The following CNKSR2 variants were observed in gnomAD, a reference collection of about 807,000 sequenced individuals.
CNKSR2 encodes the protein connector enhancer of kinase suppressor of Ras 2, also known as CNK homolog protein 2.
A neutral mutation model predicts 84.4 loss-of-function variants in CNKSR2; 14 were observed. The ratio of observed to expected loss-of-function variants is 0.17; its 90% CI spans 0.11 to 0.26. CNKSR2 has a LOEUF of 0.26. CNKSR2 is among the 10% of genes least tolerant of loss of function. The pLI, the probability that CNKSR2 is intolerant of heterozygous loss-of-function variation, is 1.00. For synonymous variants in CNKSR2, 275 were observed against 277.9 expected (o/e 0.99, Z 0.10); for missense variants, 485 against 771.2 (o/e 0.63, Z 4.40).
At chrX:21,391,856 C>T (rs1189793964) in intron 1 of CNKSR2, among the ~76,000 whole-genome samples, 1 of 111,532 alleles carries the variant, frequency 9.0e-6, no homozygotes, top group African/African-American at 3.3e-5. Context: ...AGTTTCATAC[C>T]ATCTCTTTGG....
rs376716043 is a variant in CNKSR2, at chrX:21,650,486, T to C, written c.2889+1459T>C. 1.1e-4 allele frequency among the ~76,000 whole-genome samples: 12 copies of C among 108,715 alleles called. No individual in the cohort carries two copies. The East Asian group carries it at 2.0e-3, about 18-fold the overall frequency. The allele number at this position is 108,715 out of a possible 115,157, so 94.4% of individuals were successfully genotyped here. On this transcript the variant is annotated intron_variant, in intron 21 of 21. Coordinates refer to ENST00000379510, the MANE Select transcript of CNKSR2 (RefSeq NM_014927.5). The stretch of plus-strand genomic sequence containing the variant: ...GAACTACCTAATGTAGATGATGGGT[T>C]GATGGGTGCAGCAAACCACCATGGC...
chrX:21,637,525 CCTT>C (rs769650042), intron 20 of CNKSR2: 1 of 111,205 alleles, frequency 9.0e-6, no homozygotes, highest in Admixed American at 9.6e-5. Flanking sequence ...TTTTCCAACT[CCTT>C]CTCCCTATGG....
At chrX:21,506,122 A>G (rs907298052) in intron 8 of CNKSR2, 1 of 111,510 alleles carries the variant, frequency 9.0e-6, no homozygotes, top group African/African-American at 3.3e-5. Context: ...TGTACCCCAC[A>G]TCTTATTCCT....
intron 11 of CNKSR2, among the ~76,000 whole-genome samples, chrX:21,533,630 T>C (rs939402764): frequency 9.0e-6 from 1 of 111,087 alleles, no homozygotes; most frequent in Non-Finnish European, 1.9e-5. Flanking sequence ...GTGCCACAAA[T>C]CTCCCCCGAC....
intron 2 of CNKSR2, among the ~76,000 whole-genome samples, chrX:21,431,271 T>A (rs1203476933): frequency 9.0e-6 from 1 of 111,681 alleles, no homozygotes; most frequent in East Asian, 2.8e-4. Flanking sequence ...CTTACTTTCC[T>A]TTTTCACCCT....
At chrX:21,505,812 GTCAT>G (rs1291118900) in intron 8 of CNKSR2, 1 of 111,541 alleles carries the variant, frequency 9.0e-6, no homozygotes, top group East Asian at 2.8e-4. Context: ...AAATGAATGA[GTCAT>G]TGAGTGGAAT....
At chrX:21,642,718 T>G (rs2092695578) in intron 20 of CNKSR2, 7 of 710,053 alleles carry the variant, frequency 9.9e-6, no homozygotes, top group Non-Finnish European at 1.0e-5. Flanking sequence ...AATAAAAATA[T>G]GACCAATTGG....
At chrX:21,597,562 C>G (rs999862148) in intron 17 of CNKSR2, among the ~76,000 whole-genome samples, 1 of 110,049 alleles carries the variant, frequency 9.1e-6, no homozygotes, top group Non-Finnish European at 1.9e-5. Flanking sequence ...AAAAAATAAC[C>G]CTATTCCTAA....
intron 4 of CNKSR2, among the ~76,000 whole-genome samples, chrX:21,456,998 C>G (rs2091003207): frequency 9.0e-6 from 1 of 111,325 alleles, no homozygotes; most frequent in African/African-American, 3.3e-5. Flanking sequence ...TACCTAATGG[C>G]CATTTGTATG....
chrX:21,623,679 C>T (rs1277020289), intron 20 of CNKSR2, among the ~76,000 whole-genome samples: 2 of 111,273 alleles, frequency 1.8e-5, no homozygotes, highest in African/African-American at 3.3e-5. Context: ...TGAGCTTATA[C>T]GTATTAAACA....
rs1382715709 is a variant in CNKSR2, at chrX:21,650,750, A to T, written c.2890-1556A>T. Among the ~76,000 whole-genome samples, 3 of 112,023 alleles carry T rather than the reference A, an allele frequency of 2.7e-5. No homozygotes were observed. In the Admixed American group the frequency reaches 2.8e-4, roughly 11 times the overall value. On this transcript the variant is annotated intron_variant, in intron 21 of 21. Coordinates refer to ENST00000379510, the MANE Select transcript of CNKSR2 (RefSeq NM_014927.5). ...ACAAACTAGAAAATGACCTGAAAAA[A>T]TTTCAGATAGCAAGCAGCAAAGTTT...
chrX:21,551,667 G>T (rs2092093879), intron 11 of CNKSR2, among the ~76,000 whole-genome samples: 1 of 111,846 alleles, frequency 8.9e-6, no homozygotes, highest in Non-Finnish European at 1.9e-5. Context: ...GTGGTGGAAA[G>T]TTGCTACTGG....
chrX:21,511,409 C>G (rs1332396408), intron 8 of CNKSR2, among the ~76,000 whole-genome samples: 1 of 110,605 alleles, frequency 9.0e-6, no homozygotes, highest in Non-Finnish European at 1.9e-5. Context: ...AAACTAAACC[C>G]TCCTTTCGAG....
intron 1 of CNKSR2, among the ~76,000 whole-genome samples, chrX:21,402,443 G>A (rs1216362984): frequency 9.0e-6 from 1 of 111,118 alleles, no homozygotes; most frequent in African/African-American, 3.3e-5. Context: ...ATGTTTGTAT[G>A]ATTTTTTCAT....
chrX:21,393,050 ACTT>A (rs1295609306), intron 1 of CNKSR2, among the ~76,000 whole-genome samples: 1 of 112,119 alleles, frequency 8.9e-6, no homozygotes, highest in Non-Finnish European at 1.9e-5. Flanking sequence ...TTAACCTGAT[ACTT>A]CTTTTCTTTC....
intron 1 of CNKSR2, among the ~76,000 whole-genome samples, chrX:21,411,508 G>A (rs2090345071): frequency 9.0e-6 from 1 of 111,628 alleles, no homozygotes; most frequent in Non-Finnish European, 1.9e-5. Context: ...CCAGAGAAGA[G>A]TTTTTCAGAA....
chrX:21,486,638 A>G (rs1191122412), intron 5 of CNKSR2, among the ~76,000 whole-genome samples: 1 of 112,116 alleles, frequency 8.9e-6, no homozygotes, highest in Non-Finnish European at 1.9e-5. Context: ...TGCCAGACAC[A>G]TGGTAGGTGA....
At chrX:21,473,993 C>T (rs1042261566) in intron 5 of CNKSR2, among the ~76,000 whole-genome samples, 11 of 109,154 alleles carry the variant, frequency 1.0e-4, no homozygotes, top group Admixed American at 2.0e-4. Context: ...TCGTGATCCA[C>T]CCACCTCGGC....
intron 13 of CNKSR2, among the ~76,000 whole-genome samples, chrX:21,576,742 C>T (rs1422816587): frequency 9.0e-6 from 1 of 111,438 alleles, no homozygotes; most frequent in Non-Finnish European, 1.9e-5. Context: ...TTTATCAGTT[C>T]AGATGAAATG....
Sources: gnomAD v4.1 joint callset for allele counts (sites outside exome capture counted in the v4.1 genomes callset) on GRCh38, gnomAD v4.1.1 for gene constraint, MANE v1.5 for transcripts, NCBI Gene and HGNC (gene_info 2026-07-23, HGNC 2026-07-21) for gene names.